Variants in ADK observed in about 807,000 individuals in gnomAD.
ADK encodes N6,N6-dimethyladenosine kinase.
ADK carries 24 observed loss-of-function variants against 44.7 expected under a neutral mutation model. The ratio of observed to expected loss-of-function variants is 0.54; its 90% CI spans 0.39 to 0.76. The LOEUF is 0.76. ADK is among the 30% of genes least tolerant of loss of function. The pLI is 0.00. For missense variants in ADK, 321 were observed against 425.1 expected (o/e 0.76, Z 2.15); for synonymous variants, 128 against 142.6 (o/e 0.90, Z 0.73).
intron 4 of ADK, among the ~76,000 whole-genome samples, chr10:74,386,462 T>C (rs1051574690): frequency 2.0e-5 from 3 of 152,214 alleles, no homozygotes; most frequent in African/African-American, 7.2e-5. Flanking sequence ...GTAAAGTTAA[T>C]ATTAATAGAA....
intron 7 of ADK, among the ~76,000 whole-genome samples, chr10:74,552,683 C>G (rs1850077518): frequency 6.6e-6 from 1 of 151,138 alleles, no homozygotes; most frequent in Non-Finnish European, 1.5e-5. Flanking sequence ...ATTTACAATT[C>G]ATGTATCTGA....
At chr10:74,355,228 G>A (rs767412565) in intron 4 of ADK, among the ~76,000 whole-genome samples, 4 of 152,160 alleles carry the variant, frequency 2.6e-5, no homozygotes, top group Non-Finnish European at 4.4e-5. Context: ...TTCTGCTAAT[G>A]TTCTTGTGAG....
chr10:74,537,007 T>C (rs1849473009), intron 7 of ADK, among the ~76,000 whole-genome samples: 1 of 152,226 alleles, frequency 6.6e-6, no homozygotes, highest in East Asian at 1.9e-4. Context: ...CTTTTGGATA[T>C]ATACCTAGAT....
intron 1 of ADK, among the ~76,000 whole-genome samples, chr10:74,195,561 G>T (rs1843098958): frequency 6.6e-6 from 1 of 152,038 alleles, no homozygotes; most frequent in Non-Finnish European, 1.5e-5. Context: ...ACAGCTTACT[G>T]CAACCTCGAC....
chr10:74,389,509 A>G (rs1031392384), intron 4 of ADK, among the ~76,000 whole-genome samples: 3 of 151,954 alleles, frequency 2.0e-5, no homozygotes, highest in Non-Finnish European at 4.4e-5. Context: ...TTAAAAATCT[A>G]TTTCATTCTC....
chr10:74,568,086 T>C (rs1850757784), intron 7 of ADK, among the ~76,000 whole-genome samples: 1 of 152,146 alleles, frequency 6.6e-6, no homozygotes, highest in South Asian at 2.1e-4. Context: ...CCTGGATGGC[T>C]TTGAATGCAG....
intron 3 of ADK, among the ~76,000 whole-genome samples, chr10:74,301,513 CAAAAA>C (rs34310248): frequency 5.3e-5 from 3 of 56,714 alleles, no homozygotes; most frequent in Non-Finnish European, 7.7e-5. Flanking sequence ...GACTCTGTCT[CAAAAA>C]AAAAAAAAAA....
intron 7 of ADK, among the ~76,000 whole-genome samples, chr10:74,556,804 A>G (rs142462494): frequency 1.4e-4 from 22 of 152,338 alleles, no homozygotes; most frequent in African/African-American, 4.8e-4. Flanking sequence ...TGCATTGGTT[A>G]TATAGCAGTT....
At chr10:74,180,244 A>ATT (rs1383452897) in intron 1 of ADK, among the ~76,000 whole-genome samples, 1 of 146,032 alleles carries the variant, frequency 6.8e-6, no homozygotes, top group African/African-American at 2.5e-5. Context: ...TGTTATTATT[A>ATT]ATTATTATTT....
At chr10:74,555,734 T>C (rs377352235) in intron 7 of ADK, among the ~76,000 whole-genome samples, 4 of 152,300 alleles carry the variant, frequency 2.6e-5, no homozygotes, top group African/African-American at 9.6e-5. Flanking sequence ...TCAAGGATGA[T>C]CATGTCTTGG....
intron 4 of ADK, among the ~76,000 whole-genome samples, chr10:74,325,909 G>A (rs1840989631): frequency 2.0e-5 from 3 of 151,754 alleles, no homozygotes; most frequent in African/African-American, 7.3e-5. Context: ...AGGCTGAGGT[G>A]CAGAGGTGCT....
intron 4 of ADK, among the ~76,000 whole-genome samples, chr10:74,353,906 A>G (rs2131915005): frequency 6.6e-6 from 1 of 152,326 alleles, no homozygotes; most frequent in East Asian, 1.9e-4. Context: ...TTTTGCTTAT[A>G]GAGTTCTTTG....
intron 6 of ADK, among the ~76,000 whole-genome samples, chr10:74,517,205 A>T (rs950972268): frequency 3.3e-5 from 5 of 152,142 alleles, no homozygotes; most frequent in African/African-American, 1.2e-4. Context: ...GACTTCTAGG[A>T]TTTCTCACAC....
chr10:74,192,209 T>C (rs911898371), intron 1 of ADK, among the ~76,000 whole-genome samples: 5 of 148,540 alleles, frequency 3.4e-5, no homozygotes, highest in Non-Finnish European at 7.6e-5. Flanking sequence ...ATTTTTACCA[T>C]TTTTTTTTCT....
rs770015945 is a variant in ADK, at chr10:74,642,827, C to CTT, written c.878-27333_878-27332dup. On this transcript the variant is annotated intron_variant, in intron 9 of 10. Transcript: ENST00000539909. ...CTGAATTCTTATAAAATCTTAAGTT[C>CTT]TTTTTTTTTTTTTTTTTTTTTTTTA... 3.8e-3 allele frequency among the ~76,000 whole-genome samples: 298 copies of CTT among 77,460 alleles called. 6 individuals carry two copies. The highest frequency in any genetic ancestry group is 0.011 in the African/African-American group (236 of 21,702). The allele number at this position is 77,460 out of a possible 152,430, so 50.8% of individuals were successfully genotyped here. A position where few individuals can be genotyped will look rare whatever the true frequency, so the allele number is the denominator to read the frequency against.
chr10:74,653,918 C>T (rs924240411), intron 9 of ADK, among the ~76,000 whole-genome samples: 6 of 152,206 alleles, frequency 3.9e-5, no homozygotes, highest in African/African-American at 1.4e-4. Context: ...CCTTGTCTTT[C>T]AGTATAAACC....
At chr10:74,489,712 T>C (rs1260497222) in intron 6 of ADK, among the ~76,000 whole-genome samples, 1 of 151,910 alleles carries the variant, frequency 6.6e-6, no homozygotes, top group Non-Finnish European at 1.5e-5. Flanking sequence ...TGGAATAATA[T>C]GGCTCAACTT....
At chr10:74,295,748 A>C (rs1839788330) in intron 3 of ADK, among the ~76,000 whole-genome samples, 1 of 109,350 alleles carries the variant, frequency 9.1e-6, no homozygotes, top group Admixed American at 1.0e-4. Context: ...TCTTTGTAGG[A>C]ATGTTCCATT....
At chr10:74,459,257 G>A (rs1330755907) in intron 6 of ADK, among the ~76,000 whole-genome samples, 3 of 151,230 alleles carry the variant, frequency 2.0e-5, no homozygotes, top group Non-Finnish European at 2.9e-5. Flanking sequence ...CTCCAGCCTG[G>A]GCAACAGAAC....
Sources: allele counts gnomAD v4.1 joint callset (sites outside exome capture counted in the v4.1 genomes callset), GRCh38; gene constraint gnomAD v4.1.1; transcripts MANE v1.5; gene names NCBI Gene and HGNC (gene_info 2026-07-23, HGNC 2026-07-21).